TNIK: variants seen among roughly 807,000 people sequenced by gnomAD.
TNIK encodes TRAF2 and NCK-interacting protein kinase.
Under a neutral mutation model 191.3 loss-of-function variants are expected in TNIK, and 49 were observed. The observed-to-expected ratio is 0.26, with a 90% CI of 0.20 to 0.32. The LOEUF is 0.32. Among genes scored for constraint, TNIK ranks in the 10% least tolerant of loss-of-function variants. The pLI, the probability that TNIK is intolerant of heterozygous loss-of-function variation, is 1.00. For missense variants in TNIK, 1,155 were observed against 1,702.3 expected, an observed-to-expected ratio of 0.68 and a Z score of 5.66; for synonymous variants, 594 against 600.9, an observed-to-expected ratio of 0.99 and a Z score of 0.17.
At chr3:171,233,242 C>T (rs985471796) in intron 2 of TNIK, among the ~76,000 whole-genome samples, 4 of 152,116 alleles carry the variant, frequency 2.6e-5, no homozygotes, top group Middle Eastern at 3.2e-3. Flanking sequence ...CAAATGAGTA[C>T]TCCACCTTTG....
At chr3:171,313,339 A>C (rs1378303440) in intron 2 of TNIK, among the ~76,000 whole-genome samples, 1 of 151,912 alleles carries the variant, frequency 6.6e-6, no homozygotes, top group Non-Finnish European at 1.5e-5. Flanking sequence ...GAAATTAGGG[A>C]TCCTCAACTT....
intron 18 of TNIK, among the ~76,000 whole-genome samples, chr3:171,117,146 A>C (rs1033299926): frequency 1.3e-5 from 2 of 152,226 alleles, no homozygotes; most frequent in African/African-American, 4.8e-5. Flanking sequence ...ATATCGCAAC[A>C]TAAGGGTAAA....
chr3:171,097,440 C>T (rs937933391), intron 22 of TNIK, among the ~76,000 whole-genome samples: 3 of 152,158 alleles, frequency 2.0e-5, no homozygotes, highest in Admixed American at 2.0e-4. Flanking sequence ...ATGGTGTGGC[C>T]ATGTCCCTAC....
Position 171,159,069 on chromosome 3 carries a change from G to A in TNIK, c.1017-1405C>T, listed in dbSNP as rs1314490043. Among the ~76,000 whole-genome samples, 1 of 152,194 alleles carries A rather than the reference G, an allele frequency of 6.6e-6. No homozygotes were observed. Among genetic ancestry groups the A allele is most frequent in the Non-Finnish European group, 1.5e-5 (1 of 68,034 alleles). On this transcript the variant is annotated intron_variant, in intron 11 of 32. Coordinates refer to ENST00000436636, the MANE Select transcript of TNIK (RefSeq NM_015028.4). The surrounding 1 kb of genome is among the most constrained non-coding windows in gnomAD (Gnocchi z 4.1). The stretch of plus-strand genomic sequence containing the variant: ...AGGCACGGGAAGGTTTTATGCAGAA[G>A]AGCAACATGAGCAGATGGGTTTGGC...
intron 2 of TNIK, among the ~76,000 whole-genome samples, chr3:171,293,228 A>G (rs71308506): frequency 0.019 from 2,933 of 152,322 alleles, 43 homozygotes; most frequent in Middle Eastern, 0.037. Flanking sequence ...TCAAGAATCA[A>G]ACTTGAAATG....
chr3:171,089,348 T>C (rs1193977779), intron 23 of TNIK, among the ~76,000 whole-genome samples: 1 of 152,252 alleles, frequency 6.6e-6, no homozygotes, highest in Non-Finnish European at 1.5e-5. Context: ...TGCTACTTTA[T>C]GTATACTGGG....
chr3:171,460,146 C>A lies in TNIK; in HGVS notation c.-83G>T. 3 of 1,519,528 alleles carry A rather than the reference C, an allele frequency of 2.0e-6. No individual in the cohort carries two copies. Among genetic ancestry groups the A allele is most frequent in the Non-Finnish European group, 2.7e-6 (3 of 1,122,554 alleles). 94.1% of individuals were successfully genotyped at this position (1,519,528 alleles called of 1,614,324 possible). On this transcript the variant is annotated 5_prime_UTR_variant, in exon 1 of 33. Transcript: ENST00000436636. This position sits in a 1 kb window ranked among gnomAD's most constrained non-coding sequence, Gnocchi z 6.8. ...ATTCCACCTTGGTCTATTTCACTCG[C>A]GTCCTCATGCGGGTGTCGCGCCAGA...
At position 171,366,859 on chromosome 3, in the gene TNIK, A is replaced by C. The variant is rs1209127425; in HGVS notation, c.123+2761T>G. ...GTTTCACCCATCCTGTTCTCATGAT[A>C]GTGAGTTAGTTCTCATGAGATCTGA... On this transcript the variant is annotated intron_variant, in intron 2 of 32. Coordinates refer to ENST00000436636, the MANE Select transcript of TNIK (RefSeq NM_015028.4). This position sits in a 1 kb window ranked among gnomAD's most constrained non-coding sequence, Gnocchi z 4.1. 6.6e-6 allele frequency among the ~76,000 whole-genome samples: 1 copy of C among 152,202 alleles called. No homozygotes were observed. The highest frequency in any genetic ancestry group is 2.4e-5 in the African/African-American group (1 of 41,452).
chr3:171,257,723 C>G (rs1747061471), intron 2 of TNIK, among the ~76,000 whole-genome samples: 2 of 152,202 alleles, frequency 1.3e-5, no homozygotes, highest in African/African-American at 4.8e-5. Flanking sequence ...CTTGGGACAT[C>G]AACACCCCAT....
intron 2 of TNIK, among the ~76,000 whole-genome samples, chr3:171,249,727 G>T (rs1746019301): frequency 6.6e-6 from 1 of 152,136 alleles, no homozygotes; most frequent in Non-Finnish European, 1.5e-5. Flanking sequence ...GAGCCTGCAG[G>T]AAAGCATATA....
intron 1 of TNIK, among the ~76,000 whole-genome samples, chr3:171,432,839 G>C (rs1725539709): frequency 6.6e-6 from 1 of 152,064 alleles, no homozygotes; most frequent in Non-Finnish European, 1.5e-5. Context: ...AATAGAGCAG[G>C]AAATGCCTAA....
chr3:171,433,539 T>G (rs1055557896), intron 1 of TNIK, among the ~76,000 whole-genome samples: 1 of 152,124 alleles, frequency 6.6e-6, no homozygotes, highest in Non-Finnish European at 1.5e-5. Context: ...TGTTAAAACT[T>G]TTATGCGGCA....
In TNIK at chr3:171,120,302, C is replaced by T. The variant is rs150852719; in HGVS notation, c.2120+3294G>A. 1.2e-3 allele frequency among the ~76,000 whole-genome samples: 185 copies of T among 151,228 alleles called. 6 individuals are homozygous for T. In the East Asian group the frequency reaches 0.028, roughly 23 times the overall value. On this transcript the variant is annotated intron_variant, in intron 18 of 32. Coordinates refer to ENST00000436636, the MANE Select transcript of TNIK (RefSeq NM_015028.4). ...GTTTTTGCTTAACCGTTAGGCTCTG[C>T]CTTGTTTTTCTTTTTTCTTTCTTTT...
intron 3 of TNIK, among the ~76,000 whole-genome samples, chr3:171,218,874 T>TATATA: frequency 1.2e-5 from 1 of 80,622 alleles, no homozygotes; most frequent in Non-Finnish European, 2.2e-5. Context: ...ATAAATATAT[T>TATATA]TTATTTTTAT....
At chr3:171,421,377 C>T (rs1178313854) in intron 1 of TNIK, among the ~76,000 whole-genome samples, 1 of 152,180 alleles carries the variant, frequency 6.6e-6, no homozygotes, top group Non-Finnish European at 1.5e-5. Flanking sequence ...AATGAGTCCT[C>T]TTGGGAAAGA....
At chr3:171,101,222 G>A (rs1011542123) in intron 22 of TNIK, among the ~76,000 whole-genome samples, 1 of 152,064 alleles carries the variant, frequency 6.6e-6, no homozygotes, top group Non-Finnish European at 1.5e-5. Context: ...CATTGGCAAT[G>A]GATAGGTAAA....
chr3:171,164,112 TA>T (rs1734321612), intron 10 of TNIK, among the ~76,000 whole-genome samples: 1 of 152,236 alleles, frequency 6.6e-6, no homozygotes, highest in Admixed American at 6.5e-5. Context: ...GCCCTAAGCC[TA>T]AACAGGCTTA....
chr3:171,117,495 A>AATACTTATATATGAGACAT (rs1553818516), intron 18 of TNIK, among the ~76,000 whole-genome samples: 2 of 151,184 alleles, frequency 1.3e-5, no homozygotes, highest in Non-Finnish European at 2.9e-5. Flanking sequence ...TAAATTAGTA[A>AATACTTATATATGAGACAT]ATACATATAT....
At chr3:171,134,727 T>C (rs952742120) in intron 15 of TNIK, among the ~76,000 whole-genome samples, 1 of 152,220 alleles carries the variant, frequency 6.6e-6, no homozygotes, top group East Asian at 1.9e-4. Context: ...TTTCACTTGC[T>C]CTACAATATC....
Sources: allele counts gnomAD v4.1 joint callset (sites outside exome capture counted in the v4.1 genomes callset), GRCh38; gene constraint gnomAD v4.1.1; non-coding constraint Gnocchi (gnomAD v3.1); transcripts MANE v1.5; gene names NCBI Gene and HGNC (gene_info 2026-07-23, HGNC 2026-07-21).